TNFRSF21: variants seen among roughly 807,000 people sequenced by gnomAD.
TNFRSF21 encodes TNF receptor superfamily member 21.
A neutral mutation model predicts 45.6 loss-of-function variants in TNFRSF21; 19 were observed. The observed-to-expected ratio is 0.42, with a 90% CI of 0.29 to 0.61. The LOEUF (loss-of-function observed/expected upper bound fraction) is 0.61. TNFRSF21 is among the 20% of genes least tolerant of loss of function. The probability of loss-of-function intolerance (pLI) is 0.23; values close to 1 mark genes in which losing one functional copy is unlikely to be tolerated. For synonymous variants in TNFRSF21, 314 were observed against 335.5 expected (o/e 0.94, Z 0.70); for missense variants, 737 against 851.5 (o/e 0.87, Z 1.67).
At chr6:47,271,200 G>T (rs1015839765) in intron 3 of TNFRSF21, among the ~76,000 whole-genome samples, 9 of 152,104 alleles carry the variant, frequency 5.9e-5, no homozygotes, top group African/African-American at 9.7e-5. Context: ...GCAACCTCAA[G>T]ACACATAATT....
chr6:47,269,099 T>C (rs2295262), intron 3 of TNFRSF21, among the ~76,000 whole-genome samples: 48,731 of 151,964 alleles, frequency 0.32, 7,976 homozygotes, highest in Non-Finnish European at 0.35. Flanking sequence ...CATGTGACTT[T>C]GGGCAAGTCA....
chr6:47,234,803 G>A lies in TNFRSF21; in HGVS notation c.1605C>T (p.Leu535=). ...SPNAKLENSA[L]LTVEPSPQDK... is the part of the protein sequence containing the mutation. The stretch of plus-strand genomic sequence containing the variant: ...CCTGTGGGGAAGGCTCCACCGTCAG[G>A]AGAGCGGAATTCTCAAGTTTCGCGT... Residue 535 remains leucine, a synonymous_variant, in exon 5 of 6, where the codon CTC becomes CTT. Transcript: ENST00000296861. The A allele has an allele frequency of 1.3e-6, 2 of 1,577,396 alleles. No individual in the cohort carries two copies. The highest frequency in any genetic ancestry group is 2.4e-5 in the South Asian group (2 of 84,920).
chr6:47,304,458 C>A (rs1285898360), intron 1 of TNFRSF21, among the ~76,000 whole-genome samples: 1 of 152,178 alleles, frequency 6.6e-6, no homozygotes. Flanking sequence ...AGTGTGATGT[C>A]TCCACATTCT....
chr6:47,235,123 A>G (rs1764648598), intron 4 of TNFRSF21, among the ~76,000 whole-genome samples: 1 of 152,184 alleles, frequency 6.6e-6, no homozygotes, highest in Non-Finnish European at 1.5e-5. Flanking sequence ...ACGGGGAGGC[A>G]TATGAACCAA....
chr6:47,301,649 T>G (rs1762865559), intron 1 of TNFRSF21, among the ~76,000 whole-genome samples: 1 of 152,134 alleles, frequency 6.6e-6, no homozygotes, highest in African/African-American at 2.4e-5. Context: ...CAGAGCTGGT[T>G]GCTTAAAGAG....
chr6:47,306,948 T>C (rs567041728), intron 1 of TNFRSF21, among the ~76,000 whole-genome samples: 14 of 152,350 alleles, frequency 9.2e-5, no homozygotes, highest in African/African-American at 3.4e-4. Context: ...TGATGTCCGT[T>C]ATGTTCACAT....
chr6:47,302,536 G>A (rs568312064), intron 1 of TNFRSF21, among the ~76,000 whole-genome samples: 3 of 152,196 alleles, frequency 2.0e-5, no homozygotes, highest in South Asian at 4.2e-4. Context: ...CCATCTTAGC[G>A]ATGGCACCCT....
At chr6:47,263,292 G>T (rs1177060617) in intron 3 of TNFRSF21, among the ~76,000 whole-genome samples, 1 of 152,160 alleles carries the variant, frequency 6.6e-6, no homozygotes, top group African/African-American at 2.4e-5. Flanking sequence ...TTAAGCATGA[G>T]GTGCCTGTTA....
At chr6:47,239,106 C>T (rs889443870) in intron 4 of TNFRSF21, among the ~76,000 whole-genome samples, 39 of 151,952 alleles carry the variant, frequency 2.6e-4, no homozygotes, top group Admixed American at 1.0e-3. Flanking sequence ...GTCAACATAG[C>T]GAAACCCTGT....
chr6:47,289,148 T>G (rs919296060), intron 1 of TNFRSF21, among the ~76,000 whole-genome samples: 4 of 152,212 alleles, frequency 2.6e-5, no homozygotes, highest in African/African-American at 7.2e-5. Flanking sequence ...AGTTTATGTG[T>G]CAAGGAAATA....
rs138855719 is a variant in TNFRSF21 at position 47,294,183 on chromosome 6, C to T, written c.97-7588G>A. 8.5e-5 allele frequency among the ~76,000 whole-genome samples: 13 copies of T among 152,266 alleles called. No individual in the cohort carries two copies. The East Asian group carries it at 2.3e-3, about 27-fold the overall frequency. On this transcript the variant is annotated intron_variant, in intron 1 of 5. Coordinates refer to ENST00000296861, the MANE Select transcript of TNFRSF21 (RefSeq NM_014452.5). ...GTTTTGAGATGGAGTCTTGCTCTGT[C>T]GCCAGGCTGGGGTGCAGTGGTATGA... is the stretch of plus-strand genomic sequence containing the variant.
intron 3 of TNFRSF21, among the ~76,000 whole-genome samples, chr6:47,257,267 C>T (rs1297787169): frequency 6.6e-6 from 1 of 151,978 alleles, no homozygotes. Flanking sequence ...AATGAAATTT[C>T]CCTAAACTAA....
rs188465080 is a variant in TNFRSF21 at position 47,263,895 on chromosome 6, G to A, written c.1244-10374C>T. Among the ~76,000 whole-genome samples the A allele has an allele frequency of 3.0e-3, 454 of 152,300 alleles. 1 individual carries two copies. The highest frequency in any genetic ancestry group is 0.011 in the African/African-American group (439 of 41,564). The stretch of plus-strand genomic sequence containing the variant: ...GTCAGATTTGGTGAAATATAGTTAA[G>A]AGGTTTTTTATACTTATAAATTTGA... On this transcript the variant is annotated intron_variant, in intron 3 of 5. Coordinates refer to ENST00000296861, the MANE Select transcript of TNFRSF21 (RefSeq NM_014452.5).
intron 3 of TNFRSF21, among the ~76,000 whole-genome samples, chr6:47,278,770 G>C (rs946426490): frequency 6.6e-6 from 1 of 152,186 alleles, no homozygotes; most frequent in Admixed American, 6.5e-5. Context: ...TTTTGCTGTA[G>C]AGGATACAAA....
intron 3 of TNFRSF21, among the ~76,000 whole-genome samples, chr6:47,270,634 G>C (rs1762402142): frequency 6.6e-6 from 1 of 152,218 alleles, no homozygotes; most frequent in African/African-American, 2.4e-5. Context: ...CTCTTTGCCA[G>C]CAATGGAACA....
At chr6:47,264,380 T>G (rs946643085) in intron 3 of TNFRSF21, among the ~76,000 whole-genome samples, 13 of 152,034 alleles carry the variant, frequency 8.6e-5, no homozygotes, top group Non-Finnish European at 1.9e-4. Context: ...ATACAAAAAT[T>G]AGCCAGGCAT....
intron 4 of TNFRSF21, among the ~76,000 whole-genome samples, chr6:47,241,432 A>G (rs1177867285): frequency 6.6e-6 from 1 of 152,182 alleles, no homozygotes; most frequent in Admixed American, 6.5e-5. Flanking sequence ...TTCTTGTTCA[A>G]TTCAATCCAG....
intron 3 of TNFRSF21, among the ~76,000 whole-genome samples, chr6:47,259,887 T>A (rs1018300354): frequency 2.6e-5 from 4 of 152,168 alleles, no homozygotes; most frequent in Non-Finnish European, 4.4e-5. Context: ...AGATATGGTT[T>A]CAAACTCCAG....
At chr6:47,240,564 C>T (rs1317309896) in intron 4 of TNFRSF21, among the ~76,000 whole-genome samples, 2 of 152,226 alleles carry the variant, frequency 1.3e-5, no homozygotes, top group Admixed American at 1.3e-4. Flanking sequence ...TTCAAAGTTA[C>T]CCTCTTTGCT....
Sources: gnomAD v4.1 joint callset for allele counts (sites outside exome capture counted in the v4.1 genomes callset) on GRCh38, gnomAD v4.1.1 for gene constraint, MANE v1.5 for transcripts, NCBI Gene and HGNC (gene_info 2026-07-23, HGNC 2026-07-21) for gene names.